The following FAM219A variants were observed in gnomAD, a reference collection of about 807,000 sequenced individuals.
FAM219A encodes the protein protein FAM219A.
Under a neutral mutation model 23.4 loss-of-function variants are expected in FAM219A, and 7 were observed. The observed-to-expected ratio is 0.30, with a 90% CI of 0.17 to 0.56. The LOEUF (loss-of-function observed/expected upper bound fraction) is 0.56, where lower values mean the gene tolerates loss of function less well. Among genes scored for constraint, FAM219A ranks in the 20% least tolerant of loss-of-function variants. The pLI, the probability that FAM219A is intolerant of heterozygous loss-of-function variation, is 0.92. For missense variants in FAM219A, 166 were observed against 246.9 expected (o/e 0.67, Z 2.20); for synonymous variants, 93 against 99.0 (o/e 0.94, Z 0.36).
At chr9:34,410,051 C>T (rs1422300179) in intron 1 of FAM219A, among the ~76,000 whole-genome samples, 1 of 152,138 alleles carries the variant, frequency 6.6e-6, no homozygotes, top group Non-Finnish European at 1.5e-5. Flanking sequence ...AAGTGTCTTA[C>T]CCAAAGTCAG....
intron 1 of FAM219A, among the ~76,000 whole-genome samples, chr9:34,435,709 T>C (rs1290002727): frequency 6.6e-6 from 1 of 152,210 alleles, no homozygotes; most frequent in Non-Finnish European, 1.5e-5. Flanking sequence ...TGTCAATTCA[T>C]ATTAGATTTA....
At chr9:34,424,887 C>A (rs1822400768) in intron 1 of FAM219A, among the ~76,000 whole-genome samples, 1 of 152,164 alleles carries the variant, frequency 6.6e-6, no homozygotes, top group South Asian at 2.1e-4. Context: ...CAGGTCACTG[C>A]AATCTCCACC....
intron 1 of FAM219A, among the ~76,000 whole-genome samples, chr9:34,422,156 A>G (rs1227480239): frequency 6.6e-6 from 1 of 152,214 alleles, no homozygotes; most frequent in Non-Finnish European, 1.5e-5. Flanking sequence ...GGATCCAGGC[A>G]GGGAGTTGTT....
intron 1 of FAM219A, among the ~76,000 whole-genome samples, chr9:34,416,311 G>GAAGA (rs1822028598): frequency 1.7e-5 from 2 of 114,754 alleles, no homozygotes; most frequent in Admixed American, 8.8e-5. Flanking sequence ...AGGAAGGAAC[G>GAAGA]AAGGAAGGAA....
intron 1 of FAM219A, among the ~76,000 whole-genome samples, chr9:34,441,944 G>GGCCTCAAGTGATCCTGGCCTCAAGTGATC (rs1823189978): frequency 3.3e-5 from 5 of 152,050 alleles, no homozygotes; most frequent in Non-Finnish European, 7.4e-5. Flanking sequence ...GACTGGTTTC[G>GGCCTCAAGTGATCCTGGCCTCAAGTGATC]AACTCCTGGC....
intron 1 of FAM219A, among the ~76,000 whole-genome samples, chr9:34,419,801 T>C (rs1415377221): frequency 6.6e-6 from 1 of 152,198 alleles, no homozygotes; most frequent in East Asian, 1.9e-4. Flanking sequence ...AGCAAAGTAA[T>C]TGGCAGAGTC....
At chr9:34,404,232 T>G (rs555249168) in intron 2 of FAM219A, among the ~76,000 whole-genome samples, 2 of 152,018 alleles carry the variant, frequency 1.3e-5, no homozygotes, top group African/African-American at 2.4e-5. Flanking sequence ...GCTCCAAGAT[T>G]TAGGTGGTGG....
rs918932810 is a variant in FAM219A at position 34,452,344 on chromosome 9, GA to G, written c.60+5859del. On this transcript the variant is annotated intron_variant, in intron 1 of 5. Coordinates refer to ENST00000651358, the MANE Select transcript of FAM219A (RefSeq NM_001184940.2). Reference sequence around the variant, plus strand: ...AAAACAGCAGCCTTCTCTGTTATAAGAAGTCCCTGAGACCAAAAGGTACATG... The same window carrying G: ...AAAACAGCAGCCTTCTCTGTTATAAGAGTCCCTGAGACCAAAAGGTACATG... Among the ~76,000 whole-genome samples, 15 of 152,186 alleles carry G rather than the reference GA, an allele frequency of 9.9e-5. 1 individual carries two copies. Among genetic ancestry groups the G allele is most frequent in the African/African-American group, 3.6e-4 (15 of 41,440 alleles).
chr9:34,437,050 T>C (rs1336629934), intron 1 of FAM219A, among the ~76,000 whole-genome samples: 1 of 152,244 alleles, frequency 6.6e-6, no homozygotes, highest in Non-Finnish European at 1.5e-5. Context: ...GGATGTGGAC[T>C]AACTTGAGTT....
intron 1 of FAM219A, among the ~76,000 whole-genome samples, chr9:34,426,247 C>T (rs1049431865): frequency 5.3e-5 from 8 of 152,156 alleles, no homozygotes; most frequent in Admixed American, 3.9e-4. Flanking sequence ...GAAAACATCC[C>T]GAATGTTGAA....
Position 34,457,793 on chromosome 9 carries a change from AC to A in FAM219A, c.60+410del, listed in dbSNP as rs761737953. Among the ~76,000 whole-genome samples, 233 of 152,026 alleles carry A rather than the reference AC, an allele frequency of 1.5e-3. No homozygotes were observed. The highest frequency in any genetic ancestry group is 2.6e-3 in the Non-Finnish European group (179 of 67,968). On this transcript the variant is annotated intron_variant, in intron 1 of 5. Transcript: ENST00000651358. This position sits in a 1 kb window ranked among gnomAD's most constrained non-coding sequence, Gnocchi z 5.1. Reference sequence around the variant, plus strand: ...CTGATTCCCAATCTCTCTTAGCCTGACGGCTCCCCCGCCCTAAGCATCACAG... The same window carrying A: ...CTGATTCCCAATCTCTCTTAGCCTGAGGCTCCCCCGCCCTAAGCATCACAG...
intron 1 of FAM219A, among the ~76,000 whole-genome samples, chr9:34,420,796 G>A (rs112581934): frequency 0.12 from 18,925 of 151,794 alleles, 1,556 homozygotes; most frequent in Non-Finnish European, 0.18. Flanking sequence ...GGGCAACAAA[G>A]TGAGACCCCA....
chr9:34,431,387 C>T (rs1822693854), intron 1 of FAM219A, among the ~76,000 whole-genome samples: 1 of 152,192 alleles, frequency 6.6e-6, no homozygotes, highest in South Asian at 2.1e-4. Flanking sequence ...CAAACTCACA[C>T]ACGCATATAC....
intron 4 of FAM219A, chr9:34,402,168 G>A (rs1821466201): frequency 1.2e-5 from 17 of 1,473,920 alleles, no homozygotes; most frequent in Non-Finnish European, 1.4e-5. Context: ...CAGGATGACA[G>A]CAGACAACGC....
intron 1 of FAM219A, among the ~76,000 whole-genome samples, chr9:34,413,173 T>A (rs1381293787): frequency 7.7e-6 from 1 of 129,336 alleles, no homozygotes. Context: ...GAAGGTGAGG[T>A]GAGGAGAGGA....
chr9:34,438,816 A>T (rs1328460598), intron 1 of FAM219A, among the ~76,000 whole-genome samples: 1 of 152,226 alleles, frequency 6.6e-6, no homozygotes, highest in South Asian at 2.1e-4. Context: ...GCCAGATAAG[A>T]GAATAAAAGC....
chr9:34,438,016 G>C (rs949033080), intron 1 of FAM219A, among the ~76,000 whole-genome samples: 75 of 152,346 alleles, frequency 4.9e-4, no homozygotes, highest in Non-Finnish European at 1.2e-4. Flanking sequence ...CCCCGCACTC[G>C]GAGCAGCCGG....
chr9:34,428,785 T>C (rs1822581847), intron 1 of FAM219A, among the ~76,000 whole-genome samples: 1 of 152,246 alleles, frequency 6.6e-6, no homozygotes, highest in African/African-American at 2.4e-5. Flanking sequence ...TCTTGGGATC[T>C]GGCAAAGTCC....
At chr9:34,452,018 A>G (rs1027407455) in intron 1 of FAM219A, among the ~76,000 whole-genome samples, 1 of 152,228 alleles carries the variant, frequency 6.6e-6, no homozygotes, top group African/African-American at 2.4e-5. Flanking sequence ...GTAAAAGGCA[A>G]AGCCAGAAAC....
Sources: gnomAD v4.1 joint callset for allele counts (sites outside exome capture counted in the v4.1 genomes callset) on GRCh38, gnomAD v4.1.1 for gene constraint, Gnocchi (gnomAD v3.1) non-coding constraint, MANE v1.5 for transcripts, NCBI Gene and HGNC (gene_info 2026-07-23, HGNC 2026-07-21) for gene names.